Variants in DAAM1 observed in about 807,000 individuals in gnomAD.
The protein encoded by DAAM1 is dishevelled associated activator of morphogenesis 1, also known as disheveled-associated activator of morphogenesis 1.
In DAAM1, 52 loss-of-function variants were observed where a neutral mutation model predicts 130.0. The observed-to-expected ratio is 0.40, with a 90% confidence interval of 0.32 to 0.50. The LOEUF is 0.50. DAAM1 is among the 20% of genes least tolerant of loss of function. The probability of loss-of-function intolerance (pLI) is 0.61; values close to 1 mark genes in which losing one functional copy is unlikely to be tolerated. For synonymous variants in DAAM1, 452 were observed against 444.5 expected (o/e 1.02, Z -0.21); for missense variants, 1,134 against 1,303.8 (o/e 0.87, Z 2.01).
At chr14:59,257,457 G>C (rs978064747) in intron 1 of DAAM1, among the ~76,000 whole-genome samples, 1 of 151,788 alleles carries the variant, frequency 6.6e-6, no homozygotes, top group Non-Finnish European at 1.5e-5. Flanking sequence ...GGAAACTGAA[G>C]GCCTACAAAG....
chr14:59,334,963 C>T (rs974337533), intron 15 of DAAM1, among the ~76,000 whole-genome samples: 29 of 152,094 alleles, frequency 1.9e-4, no homozygotes, highest in African/African-American at 6.8e-4. Flanking sequence ...ATGCACAGTT[C>T]CCAATCTCAT....
chr14:59,285,615 G>A (rs900825119), intron 2 of DAAM1, among the ~76,000 whole-genome samples: 2 of 152,090 alleles, frequency 1.3e-5, no homozygotes, highest in Admixed American at 1.3e-4. Flanking sequence ...AAGAACATGG[G>A]TTGCTATTCT....
chr14:59,294,913 T>C lies in DAAM1; in HGVS notation c.273+3607T>C, dbSNP rs1351071672. On this transcript the variant is annotated intron_variant, in intron 3 of 24. Transcript: ENST00000360909. ...GAGAGGAGAAAATAAAGTGGGTGTA[T>C]ACATGTATTATGCTGACAGCAATCT... Among the ~76,000 whole-genome samples, 6 of 152,190 alleles carry C rather than the reference T, an allele frequency of 3.9e-5. No homozygotes were observed. In the East Asian group the frequency reaches 9.6e-4, roughly 24 times the overall value.
intron 2 of DAAM1, among the ~76,000 whole-genome samples, chr14:59,273,500 C>G (rs1882817733): frequency 6.6e-6 from 1 of 152,150 alleles, no homozygotes; most frequent in Admixed American, 6.5e-5. Flanking sequence ...GGCTATGGAT[C>G]CTCTTGGTCC....
intron 2 of DAAM1, chr14:59,264,656 A>T (rs1225699099): frequency 1.4e-4 from 21 of 149,918 alleles, no homozygotes; most frequent in African/African-American, 5.2e-4. Flanking sequence ...TTTTTTCTTC[A>T]ACTTTTATTT....
chr14:59,222,232 T>G (rs899435485), intron 1 of DAAM1, among the ~76,000 whole-genome samples: 1 of 152,206 alleles, frequency 6.6e-6, no homozygotes, highest in Non-Finnish European at 1.5e-5. Context: ...AGTGAGTTGC[T>G]TGGTCAGAAG....
At chr14:59,331,968 CT>C (rs1327712702) in intron 15 of DAAM1, 48 bp downstream of exon 15, 1 of 1,481,648 alleles carries the variant, frequency 6.7e-7, no homozygotes, top group African/African-American at 1.4e-5. Flanking sequence ...AAAATCATGT[CT>C]TATGCATGAT....
chr14:59,211,931 C>G (rs886820991), intron 1 of DAAM1, among the ~76,000 whole-genome samples: 1 of 152,116 alleles, frequency 6.6e-6, no homozygotes, highest in Non-Finnish European at 1.5e-5. Context: ...TTATGAACTT[C>G]TGAAAGATAA....
At chr14:59,230,409 T>G (rs1416980402) in intron 1 of DAAM1, among the ~76,000 whole-genome samples, 1 of 151,898 alleles carries the variant, frequency 6.6e-6, no homozygotes. Context: ...TTTCTTTCTA[T>G]CCAAACAAAT....
chr14:59,239,918 AG>A (rs1388440951), intron 1 of DAAM1, among the ~76,000 whole-genome samples: 1 of 152,196 alleles, frequency 6.6e-6, no homozygotes, highest in Non-Finnish European at 1.5e-5. Flanking sequence ...ATTCCCTGAT[AG>A]GCTTATTTAA....
At chr14:59,200,816 G>A (rs1888074155) in intron 1 of DAAM1, among the ~76,000 whole-genome samples, 2 of 152,088 alleles carry the variant, frequency 1.3e-5, no homozygotes, top group African/African-American at 4.8e-5. Context: ...GATATTTAGG[G>A]ATGCTGACTC....
Position 59,281,226 on chromosome 14 carries a change from A to G in DAAM1, c.184-9991A>G, listed in dbSNP as rs998883697. On this transcript the variant is annotated intron_variant, in intron 2 of 24. Transcript: ENST00000360909. ...ATATCAAAAGTATGCCGGCTTGGCC[A>G]CTTTTACAACTTATTTCTGCTCAGA... is the stretch of plus-strand genomic sequence containing the variant. Among the ~76,000 whole-genome samples, 4 of 152,270 alleles carry G rather than the reference A, an allele frequency of 2.6e-5. No individual in the cohort carries two copies. In the South Asian group the frequency reaches 8.3e-4, roughly 32 times the overall value.
chr14:59,358,935 C>T (rs1490875939), intron 20 of DAAM1, among the ~76,000 whole-genome samples: 1 of 152,004 alleles, frequency 6.6e-6, no homozygotes, highest in Non-Finnish European at 1.5e-5. Context: ...ATAAACATCC[C>T]TCACTCTCCA....
At chr14:59,218,404 A>G (rs1888659930) in intron 1 of DAAM1, among the ~76,000 whole-genome samples, 1 of 152,232 alleles carries the variant, frequency 6.6e-6, no homozygotes, top group African/African-American at 2.4e-5. Context: ...CCTAGCCTAG[A>G]GAGAGATAAA....
intron 1 of DAAM1, among the ~76,000 whole-genome samples, chr14:59,252,458 G>C (rs1018559664): frequency 6.6e-6 from 1 of 152,266 alleles, no homozygotes; most frequent in South Asian, 2.1e-4. Context: ...ATACAGGAAA[G>C]CTTTTTTAAA....
chr14:59,260,342 C>T (rs1882111636), intron 1 of DAAM1, among the ~76,000 whole-genome samples: 1 of 152,158 alleles, frequency 6.6e-6, no homozygotes, highest in Non-Finnish European at 1.5e-5. Flanking sequence ...GCAGAAGAGT[C>T]TTTTTGTTTG....
chr14:59,358,552 C>G lies in DAAM1; in HGVS notation c.2526-845C>G, dbSNP rs901058697. ...CCTTTGGGTGAAACCTTATTAAAAA[C>G]TATCAGTAGGCCAGACACGGTGGCT... On this transcript the variant is annotated intron_variant, in intron 20 of 24. Transcript: ENST00000360909. Among the ~76,000 whole-genome samples, 13 of 152,206 alleles carry G rather than the reference C, an allele frequency of 8.5e-5. No individual in the cohort carries two copies. In the South Asian group the frequency reaches 1.7e-3, roughly 19 times the overall value.
chr14:59,262,646 T>G (rs1882221263), intron 1 of DAAM1, among the ~76,000 whole-genome samples: 1 of 146,384 alleles, frequency 6.8e-6, no homozygotes, highest in African/African-American at 2.5e-5. Context: ...GTGTATAATA[T>G]TCTATTAGTG....
chr14:59,216,433 A>G (rs1888581765), intron 1 of DAAM1, among the ~76,000 whole-genome samples: 3 of 152,206 alleles, frequency 2.0e-5, no homozygotes, highest in Non-Finnish European at 4.4e-5. Flanking sequence ...GCAAGAGTCA[A>G]TTTCAGGCAG....
Sources: allele counts gnomAD v4.1 joint callset (sites outside exome capture counted in the v4.1 genomes callset), GRCh38; gene constraint gnomAD v4.1.1; transcripts MANE v1.5; gene names NCBI Gene and HGNC (gene_info 2026-07-23, HGNC 2026-07-21).